CDKL5: variants seen among roughly 807,000 people sequenced by gnomAD.
CDKL5 encodes cyclin-dependent kinase-like 5.
CDKL5 carries 8 observed loss-of-function variants against 61.7 expected under a neutral mutation model. That is an observed-to-expected ratio of 0.13 (90% CI 0.08 to 0.23). CDKL5 has a LOEUF of 0.23. CDKL5 is among the 10% of genes least tolerant of loss of function. The pLI, the probability that CDKL5 is intolerant of heterozygous loss-of-function variation, is 1.00. For missense variants in CDKL5, 440 were observed against 734.5 expected (o/e 0.60, Z 4.63); for synonymous variants, 275 against 272.3 (o/e 1.01, Z -0.10).
chrX:18,522,952 C>T (rs1336741282), intron 3 of CDKL5, among the ~76,000 whole-genome samples: 1 of 107,845 alleles, frequency 9.3e-6, no homozygotes, highest in Non-Finnish European at 1.9e-5. Context: ...CATGCCACCA[C>T]ACCCAGCTAA....
At chrX:18,627,582 C>G (rs1394930475) in intron 17 of CDKL5, 1 of 111,043 alleles carries the variant, frequency 9.0e-6, no homozygotes, top group Non-Finnish European at 1.9e-5. Flanking sequence ...TCCCCTCTGC[C>G]CTGAAGTCAG....
rs756404677 is a variant in CDKL5 at position 18,522,967 on chromosome X, T to C, written c.99+12113T>C. ...CATGCCACCACACCCAGCTAATTTT[T>C]GTATTTTTAGTAGAGACAGAGTTTC... On this transcript the variant is annotated intron_variant, in intron 3 of 17. Transcript: ENST00000623535. Among the ~76,000 whole-genome samples the C allele has an allele frequency of 4.0e-3, 437 of 108,761 alleles. 2 individuals are homozygous for C. The highest frequency in any genetic ancestry group is 0.014 in the African/African-American group (423 of 29,776). 94.4% of individuals were successfully genotyped at this position (108,761 alleles called of 115,157 possible). A position where few individuals can be genotyped will look rare whatever the true frequency, so the allele number is the denominator to read the frequency against.
At chrX:18,505,043 C>T (rs1313309032) in intron 1 of CDKL5, among the ~76,000 whole-genome samples, 3 of 109,608 alleles carry the variant, frequency 2.7e-5, no homozygotes, top group Non-Finnish European at 3.8e-5. Flanking sequence ...CACTGTTATT[C>T]TTAGAGATGG....
intron 1 of CDKL5, among the ~76,000 whole-genome samples, chrX:18,471,463 C>G (rs767914612): frequency 9.0e-6 from 1 of 111,349 alleles, no homozygotes; most frequent in African/African-American, 3.3e-5. Flanking sequence ...GCCTTGACTT[C>G]CAGGGCTCAA....
intron 2 of CDKL5, among the ~76,000 whole-genome samples, chrX:18,510,047 G>A (rs1330088211): frequency 9.1e-6 from 1 of 109,802 alleles, no homozygotes; most frequent in Non-Finnish European, 1.9e-5. Flanking sequence ...GGGCATTTCA[G>A]TATCCTAGAG....
chrX:18,469,356 A>AG (rs1921004737), intron 1 of CDKL5, among the ~76,000 whole-genome samples: 1 of 101,754 alleles, frequency 9.8e-6, no homozygotes, highest in African/African-American at 3.6e-5. Context: ...AAAAAAAAAA[A>AG]AAAAAAAAAT....
chrX:18,609,264 T>C (rs1387850817), intron 13 of CDKL5, among the ~76,000 whole-genome samples: 1 of 110,524 alleles, frequency 9.0e-6, no homozygotes, highest in Non-Finnish European at 1.9e-5. Flanking sequence ...TGTAGCAGCG[T>C]GTGCCTGTAG....
intron 3 of CDKL5, among the ~76,000 whole-genome samples, chrX:18,530,159 T>C (rs1008565314): frequency 2.8e-5 from 3 of 105,736 alleles, no homozygotes; most frequent in Non-Finnish European, 5.8e-5. Context: ...AAACCCCGTC[T>C]CTACTAAAAA....
In CDKL5 at chrX:18,647,215, G is replaced by A. The variant is rs2147193941; in HGVS notation, c.2797+1125G>A. ...CCCAAAGCCTTGACTGTTGAGCCGGGCCTTGTTTGCAGTCCACGAAGAATA... is the reference window on the plus strand; with the variant it reads ...CCCAAAGCCTTGACTGTTGAGCCGGACCTTGTTTGCAGTCCACGAAGAATA... On this transcript the variant is annotated intron_variant, in intron 20 of 21. Coordinates refer to the CDKL5 transcript ENST00000379989. The A allele has an allele frequency of 8.3e-7, 1 of 1,211,022 alleles. No homozygotes were observed. The highest frequency in any genetic ancestry group is 1.1e-6 in the Non-Finnish European group (1 of 895,413).
Position 18,631,860 on chromosome X carries a change from C to A in CDKL5, c.*3103C>A. The A allele has an allele frequency of 2.7e-6, 2 of 754,018 alleles. No homozygotes were observed. Among genetic ancestry groups the A allele is most frequent in the Non-Finnish European group, 3.1e-6 (2 of 639,051 alleles). 62.1% of individuals were successfully genotyped at this position (754,018 alleles called of 1,213,427 possible). On this transcript the variant is annotated 3_prime_UTR_variant, in exon 18 of 18. Coordinates refer to ENST00000623535, the MANE Select transcript of CDKL5 (RefSeq NM_001323289.2). ...AAAGGGAGTGCTTCATGCTGAGGGGCTCAAGTGAGCTGACTCTACAACTGT... is the reference window on the plus strand; with the variant it reads ...AAAGGGAGTGCTTCATGCTGAGGGGATCAAGTGAGCTGACTCTACAACTGT...
At chrX:18,573,407 TC>T (rs1259368220) in intron 4 of CDKL5, among the ~76,000 whole-genome samples, 1 of 112,159 alleles carries the variant, frequency 8.9e-6, no homozygotes, top group African/African-American at 3.2e-5. Context: ...CTGCCGGTGT[TC>T]CTGTGCTTCA....
chrX:18,649,800 C>T (rs932392941), intron 20 of CDKL5, among the ~76,000 whole-genome samples: 1 of 111,998 alleles, frequency 8.9e-6, no homozygotes, highest in Middle Eastern at 4.6e-3. Flanking sequence ...CTCGAGGGCT[C>T]CTCCCCCACC....
At chrX:18,558,296 T>C (rs1924673987) in intron 3 of CDKL5, among the ~76,000 whole-genome samples, 1 of 112,144 alleles carries the variant, frequency 8.9e-6, no homozygotes, top group Non-Finnish European at 1.9e-5. Flanking sequence ...TCTTGCTAAC[T>C]ACAGCTGGTG....
In CDKL5 at chrX:18,630,071, C is replaced by G. The variant is rs1927190749; in HGVS notation, c.*1314C>G. The G allele has an allele frequency of 1.3e-6, 1 of 753,182 alleles. No homozygotes were observed. Among genetic ancestry groups the G allele is most frequent in the East Asian group, 1.5e-4 (1 of 6,656 alleles). 62.1% of individuals were successfully genotyped at this position (753,182 alleles called of 1,213,427 possible). A position where few individuals can be genotyped will look rare whatever the true frequency, so the allele number is the denominator to read the frequency against. On this transcript the variant is annotated 3_prime_UTR_variant, in exon 18 of 18. Transcript: ENST00000623535. ...TGAATGCCTTTTTTGCTATTGCTCTCTCCAATACCATATTTAAAAGGCTCC... is the reference window on the plus strand; with the variant it reads ...TGAATGCCTTTTTTGCTATTGCTCTGTCCAATACCATATTTAAAAGGCTCC...
chrX:18,586,757 A>G (rs1456156977), intron 8 of CDKL5, among the ~76,000 whole-genome samples: 1 of 111,901 alleles, frequency 8.9e-6, no homozygotes, highest in East Asian at 2.8e-4. Flanking sequence ...TGACAGAAGA[A>G]AAATAGCTTG....
chrX:18,501,290 C>T (rs772228671), intron 1 of CDKL5, among the ~76,000 whole-genome samples: 60 of 111,268 alleles, frequency 5.4e-4, no homozygotes, highest in African/African-American at 1.3e-3. Flanking sequence ...TTTCGTGTCT[C>T]AGTCTCCCGA....
At chrX:18,647,996 G>A (rs1927857444) in intron 20 of CDKL5, among the ~76,000 whole-genome samples, 1 of 111,564 alleles carries the variant, frequency 9.0e-6, no homozygotes, top group African/African-American at 3.3e-5. Flanking sequence ...GTTCTTCTGT[G>A]TTGATTGTCT....
chrX:18,521,704 T>C (rs1923249574), intron 3 of CDKL5, among the ~76,000 whole-genome samples: 1 of 112,529 alleles, frequency 8.9e-6, no homozygotes, highest in Non-Finnish European at 1.9e-5. Flanking sequence ...ACGTTTGTAC[T>C]GTTTTTGTAT....
chrX:18,651,696 T>A (rs758273462), intron 21 of CDKL5, among the ~76,000 whole-genome samples: 2 of 111,693 alleles, frequency 1.8e-5, no homozygotes, highest in Non-Finnish European at 3.8e-5. Context: ...AAAAATCCTG[T>A]CTGCACACTC....
Sources: allele counts gnomAD v4.1 joint callset (sites outside exome capture counted in the v4.1 genomes callset), GRCh38; gene constraint gnomAD v4.1.1; transcripts MANE v1.5; gene names NCBI Gene and HGNC (gene_info 2026-07-23, HGNC 2026-07-21).